Variants in PLXDC2 observed in about 807,000 individuals in gnomAD.
The protein encoded by PLXDC2 is plexin domain-containing protein 2.
PLXDC2 carries 40 observed loss-of-function variants against 68.9 expected under a neutral mutation model. That is an observed-to-expected ratio of 0.58 (90% CI 0.45 to 0.76). PLXDC2 has a LOEUF of 0.76. Among genes scored for constraint, PLXDC2 ranks in the 30% least tolerant of loss-of-function variants. The pLI, the probability that PLXDC2 is intolerant of heterozygous loss-of-function variation, is 0.00. For synonymous variants in PLXDC2, 243 were observed against 234.2 expected (o/e 1.04, Z -0.34); for missense variants, 644 against 661.9 (o/e 0.97, Z 0.30).
At chr10:19,924,843 A>G (rs966287667) in intron 1 of PLXDC2, among the ~76,000 whole-genome samples, 2 of 152,208 alleles carry the variant, frequency 1.3e-5, no homozygotes, top group Non-Finnish European at 2.9e-5. Context: ...TAAAGGTGAC[A>G]GGTTAGTGCT....
chr10:19,937,591 T>C (rs1833747857), intron 1 of PLXDC2, among the ~76,000 whole-genome samples: 1 of 140,562 alleles, frequency 7.1e-6, no homozygotes, highest in Admixed American at 7.3e-5. Flanking sequence ...TATTTGCAAC[T>C]TCTATGAGGA....
At chr10:19,901,074 A>G (rs899061589) in intron 1 of PLXDC2, among the ~76,000 whole-genome samples, 20 of 151,332 alleles carry the variant, frequency 1.3e-4, no homozygotes, top group Admixed American at 1.1e-3. Context: ...TATACTCATT[A>G]ATTGATGGAC....
chr10:20,240,817 G>A (rs973505533), intron 12 of PLXDC2, among the ~76,000 whole-genome samples: 1 of 151,408 alleles, frequency 6.6e-6, no homozygotes. Flanking sequence ...TCACTCTAAA[G>A]CATTTTGAAA....
chr10:20,172,464 C>T (rs1329004255), intron 7 of PLXDC2, among the ~76,000 whole-genome samples: 3 of 152,104 alleles, frequency 2.0e-5, no homozygotes, highest in South Asian at 2.1e-4. Context: ...CTGCTGGTTA[C>T]GATTCTCTCT....
At chr10:19,957,595 C>T (rs1834092064) in intron 1 of PLXDC2, among the ~76,000 whole-genome samples, 1 of 152,080 alleles carries the variant, frequency 6.6e-6, no homozygotes, top group Non-Finnish European at 1.5e-5. Context: ...ATTAATGCAT[C>T]ATAATATATG....
intron 1 of PLXDC2, among the ~76,000 whole-genome samples, chr10:19,934,918 A>G (rs374823163): frequency 6.6e-6 from 1 of 152,330 alleles, no homozygotes; most frequent in African/African-American, 2.4e-5. Context: ...TCAAAGAAAT[A>G]TCTCTCATGT....
chr10:20,002,757 C>T (rs1834964091), intron 2 of PLXDC2, among the ~76,000 whole-genome samples: 1 of 152,098 alleles, frequency 6.6e-6, no homozygotes, highest in African/African-American at 2.4e-5. Context: ...GAGGAGTTCA[C>T]CTAACTGATG....
chr10:19,892,167 A>C (rs1415788305), intron 1 of PLXDC2, among the ~76,000 whole-genome samples: 5 of 152,228 alleles, frequency 3.3e-5, no homozygotes, highest in Non-Finnish European at 7.3e-5. Flanking sequence ...AATAATACTT[A>C]ATAAATACTT....
chr10:20,026,296 C>G (rs1228688449), intron 2 of PLXDC2, among the ~76,000 whole-genome samples: 1 of 151,570 alleles, frequency 6.6e-6, no homozygotes, highest in Non-Finnish European at 1.5e-5. Flanking sequence ...TTTTTAATGT[C>G]CTAATAGTGA....
At chr10:20,122,018 G>A (rs1301665699) in intron 4 of PLXDC2, among the ~76,000 whole-genome samples, 4 of 151,894 alleles carry the variant, frequency 2.6e-5, no homozygotes, top group Non-Finnish European at 4.4e-5. Flanking sequence ...TTAAGGTGGG[G>A]GAATACAAGA....
chr10:20,120,728 G>T (rs1833685995), intron 4 of PLXDC2, among the ~76,000 whole-genome samples: 2 of 152,096 alleles, frequency 1.3e-5, no homozygotes, highest in Non-Finnish European at 2.9e-5. Context: ...GTGTAGGGAA[G>T]GGAGGGGGCC....
chr10:20,126,944 G>T (rs1257726959), intron 4 of PLXDC2, among the ~76,000 whole-genome samples: 3 of 148,054 alleles, frequency 2.0e-5, no homozygotes, highest in South Asian at 2.1e-4. Flanking sequence ...TGTATATATT[G>T]TATATGTGTT....
chr10:20,263,628 AAAAC>A (rs141012595), intron 13 of PLXDC2, among the ~76,000 whole-genome samples: 5,916 of 152,138 alleles, frequency 0.039, 172 homozygotes, highest in Middle Eastern at 0.068. Flanking sequence ...TTACAAGAGA[AAAAC>A]AAACAACCTC....
At chr10:19,938,532 A>G (rs1051166506) in intron 1 of PLXDC2, among the ~76,000 whole-genome samples, 8 of 152,048 alleles carry the variant, frequency 5.3e-5, no homozygotes, top group African/African-American at 1.9e-4. Context: ...ATACAATTTG[A>G]ACAGCCAGAT....
chr10:19,852,831 T>A (rs2131327766), intron 1 of PLXDC2, among the ~76,000 whole-genome samples: 1 of 152,316 alleles, frequency 6.6e-6, no homozygotes, highest in East Asian at 1.9e-4. Context: ...CACAAGTCAA[T>A]TATTAAGTAA....
In PLXDC2 at chr10:20,068,214, A is replaced by G; in HGVS notation, c.516A>G (p.Leu172=). ...ATTTTCCATTTTATGGCCACTTCCT[A>G]CGTGAAATCACTGTGGCAACCGGGG... ...SFDFPFYGHF[L]REITVATGGF... The change falls in exon 4 of 14, where the codon CTA becomes CTG. Residue 172 remains leucine, a synonymous_variant. Coordinates refer to ENST00000377252, the MANE Select transcript of PLXDC2 (RefSeq NM_032812.9). 2 of 1,613,158 alleles carry G rather than the reference A, an allele frequency of 1.2e-6. No homozygotes were observed. Among genetic ancestry groups the G allele is most frequent in the Non-Finnish European group, 1.7e-6 (2 of 1,179,508 alleles).
At chr10:19,947,134 A>G (rs1301185893) in intron 1 of PLXDC2, among the ~76,000 whole-genome samples, 1 of 152,208 alleles carries the variant, frequency 6.6e-6, no homozygotes, top group Non-Finnish European at 1.5e-5. Context: ...CAAATGACCT[A>G]TAGAAGCTAA....
intron 2 of PLXDC2, among the ~76,000 whole-genome samples, chr10:20,036,636 C>T (rs1260537499): frequency 1.3e-5 from 2 of 152,022 alleles, no homozygotes; most frequent in African/African-American, 2.4e-5. Context: ...TTGTTTACTT[C>T]CAGTGGATTG....
At chr10:20,062,650 A>C (rs536525302) in intron 3 of PLXDC2, among the ~76,000 whole-genome samples, 9 of 152,276 alleles carry the variant, frequency 5.9e-5, no homozygotes, top group East Asian at 1.9e-4. Context: ...TTTTATGATG[A>C]GTAAAGGAGC....
Sources: allele counts gnomAD v4.1 joint callset (sites outside exome capture counted in the v4.1 genomes callset), GRCh38; gene constraint gnomAD v4.1.1; transcripts MANE v1.5; gene names NCBI Gene and HGNC (gene_info 2026-07-23, HGNC 2026-07-21).